The following NTNG1 variants were observed in gnomAD, a reference collection of about 807,000 sequenced individuals.
NTNG1 encodes netrin-G1.
Under a neutral mutation model 54.0 loss-of-function variants are expected in NTNG1, and 16 were observed. The observed-to-expected ratio is 0.30, with a 90% CI of 0.20 to 0.45. The LOEUF is 0.45. Ranked by LOEUF, NTNG1 falls within the 20% of genes least tolerant of loss-of-function variation. NTNG1 has a pLI of 1.00. For missense variants in NTNG1, 530 were observed against 678.7 expected (o/e 0.78, Z 2.43); for synonymous variants, 255 against 263.1 (o/e 0.97, Z 0.30).
chr1:107,321,868 AG>A (rs146157188), intron 2 of NTNG1, among the ~76,000 whole-genome samples: 2,827 of 152,192 alleles, frequency 0.019, 87 homozygotes, highest in African/African-American at 0.063. Flanking sequence ...AAGCCAGGGA[AG>A]GGGTAAGAGG....
chr1:107,167,168 A>G (rs1655859391), intron 2 of NTNG1, among the ~76,000 whole-genome samples: 1 of 151,952 alleles, frequency 6.6e-6, no homozygotes, highest in Non-Finnish European at 1.5e-5. Context: ...AAATTGCCTA[A>G]GTTCTATTTT....
intron 3 of NTNG1, among the ~76,000 whole-genome samples, chr1:107,372,157 T>C (rs575642345): frequency 2.0e-5 from 3 of 152,152 alleles, no homozygotes; most frequent in African/African-American, 7.2e-5. Flanking sequence ...ATTATGTTTA[T>C]TTTTTCTATT....
intron 2 of NTNG1, among the ~76,000 whole-genome samples, chr1:107,294,341 G>T (rs190262018): frequency 1.3e-5 from 2 of 152,244 alleles, no homozygotes; most frequent in East Asian, 3.9e-4. Context: ...GTATGAATAA[G>T]GCCAAAGTTC....
At chr1:107,325,976 C>T (rs949588259) in intron 3 of NTNG1, among the ~76,000 whole-genome samples, 1 of 152,082 alleles carries the variant, frequency 6.6e-6, no homozygotes, top group African/African-American at 2.4e-5. Context: ...CTGCCAACAT[C>T]CTTTAGGCAG....
At chr1:107,458,531 G>T (rs1182409758) in intron 7 of NTNG1, among the ~76,000 whole-genome samples, 1 of 152,094 alleles carries the variant, frequency 6.6e-6, no homozygotes. Flanking sequence ...TAAAAAATAG[G>T]TATCATTTGA....
chr1:107,222,652 G>A (rs556089004), intron 2 of NTNG1, among the ~76,000 whole-genome samples: 12 of 152,212 alleles, frequency 7.9e-5, no homozygotes, highest in East Asian at 5.8e-4. Flanking sequence ...AACAATGCCC[G>A]TGGAAATGAT....
At chr1:107,213,477 G>GA (rs1659731514) in intron 2 of NTNG1, among the ~76,000 whole-genome samples, 1 of 152,060 alleles carries the variant, frequency 6.6e-6, no homozygotes, top group South Asian at 2.1e-4. Context: ...CCTTAGTTGG[G>GA]AAATGCATTT....
At chr1:107,477,254 C>CT (rs1678391808) in intron 7 of NTNG1, among the ~76,000 whole-genome samples, 1 of 152,180 alleles carries the variant, frequency 6.6e-6, no homozygotes. Context: ...TGCCACCAGG[C>CT]TGGTGTAGGA....
At chr1:107,322,005 C>T (rs1316288027) in intron 2 of NTNG1, among the ~76,000 whole-genome samples, 1 of 152,154 alleles carries the variant, frequency 6.6e-6, no homozygotes, top group Non-Finnish European at 1.5e-5. Context: ...GGAAAATGTA[C>T]GTAGTGTCCA....
chr1:107,265,570 G>A (rs376671796), intron 2 of NTNG1, among the ~76,000 whole-genome samples: 4 of 152,262 alleles, frequency 2.6e-5, no homozygotes, highest in East Asian at 3.9e-4. Flanking sequence ...ATTCTAAAAA[G>A]CAATGAGTTC....
intron 2 of NTNG1, among the ~76,000 whole-genome samples, chr1:107,304,307 A>C (rs1666525983): frequency 6.6e-6 from 1 of 151,872 alleles, no homozygotes; most frequent in African/African-American, 2.4e-5. Context: ...CTTCTAGTAC[A>C]CACATTCAAC....
chr1:107,391,689 G>A (rs1055486270), intron 3 of NTNG1, among the ~76,000 whole-genome samples: 22 of 152,102 alleles, frequency 1.4e-4, no homozygotes, highest in African/African-American at 4.8e-4. Flanking sequence ...CACATGGCAA[G>A]AGCAGGAACA....
chr1:107,371,910 C>G (rs1670942046), intron 3 of NTNG1, among the ~76,000 whole-genome samples: 1 of 151,732 alleles, frequency 6.6e-6, no homozygotes, highest in African/African-American at 2.4e-5. Flanking sequence ...GTTCAGCATC[C>G]CTAATATGAA....
chr1:107,193,561 A>G (rs1658113915), intron 2 of NTNG1, among the ~76,000 whole-genome samples: 2 of 152,006 alleles, frequency 1.3e-5, no homozygotes, highest in Non-Finnish European at 2.9e-5. Flanking sequence ...TTTCATACGC[A>G]GCAGCCCTTG....
chr1:107,329,111 A>AT (rs1414961227), intron 3 of NTNG1: 2 of 152,140 alleles, frequency 1.3e-5, no homozygotes, highest in African/African-American at 4.8e-5. Flanking sequence ...AGTGAACAGT[A>AT]TTTTTTCCTT....
chr1:107,154,810 A>G (rs966672955), intron 2 of NTNG1, among the ~76,000 whole-genome samples: 11 of 151,748 alleles, frequency 7.2e-5, no homozygotes, highest in Non-Finnish European at 1.0e-4. Context: ...ATATGCATAT[A>G]TAGTTATTAA....
chr1:107,301,544 A>G (rs1462944310), intron 2 of NTNG1, among the ~76,000 whole-genome samples: 1 of 152,192 alleles, frequency 6.6e-6, no homozygotes, highest in Non-Finnish European at 1.5e-5. Flanking sequence ...ATAAAAATTC[A>G]ATAAATTTTC....
intron 3 of NTNG1, among the ~76,000 whole-genome samples, chr1:107,345,117 T>C (rs1051909885): frequency 6.6e-6 from 1 of 152,184 alleles, no homozygotes; most frequent in Non-Finnish European, 1.5e-5. Flanking sequence ...TCACGTCGTC[T>C]TGTAGGTCTG....
At chr1:107,305,070 CT>C (rs1193164351) in intron 2 of NTNG1, among the ~76,000 whole-genome samples, 15 of 152,186 alleles carry the variant, frequency 9.9e-5, no homozygotes, top group South Asian at 6.2e-4. Flanking sequence ...ATGAATTTAT[CT>C]TTTTTTATGG....
Sources: gnomAD v4.1 joint callset for allele counts (sites outside exome capture counted in the v4.1 genomes callset) on GRCh38, gnomAD v4.1.1 for gene constraint, MANE v1.5 for transcripts, NCBI Gene and HGNC (gene_info 2026-07-23, HGNC 2026-07-21) for gene names.